The following ALOX5AP variants were observed in gnomAD, a reference collection of about 807,000 sequenced individuals.
ALOX5AP encodes the protein arachidonate 5-lipoxygenase activating protein.
A neutral mutation model predicts 18.5 loss-of-function variants in ALOX5AP; 9 were observed. The ratio of observed to expected loss-of-function variants is 0.49; its 90% CI spans 0.29 to 0.85. The LOEUF (loss-of-function observed/expected upper bound fraction) is 0.85. ALOX5AP is among the 40% of genes least tolerant of loss of function. ALOX5AP has a pLI of 0.08. For missense variants in ALOX5AP, 172 were observed against 202.5 expected (o/e 0.85, Z 0.91); for synonymous variants, 81 against 78.6 (o/e 1.03, Z -0.16).
chr13:30,713,850 GTGTGTGCGCGCACACGCGCA>G (rs1486049922), intron 1 of ALOX5AP: 27 of 1,535,080 alleles, frequency 1.8e-5, no homozygotes, highest in African/African-American at 8.2e-5. Context: ...TGGTGTGTGT[GTGTGTGCGCGCACACGCGCA>G]TGTGTGTGCA....
chr13:30,717,083 C>A (rs560793686), intron 1 of ALOX5AP, among the ~76,000 whole-genome samples: 1 of 152,170 alleles, frequency 6.6e-6, no homozygotes, highest in Non-Finnish European at 1.5e-5. Flanking sequence ...GACTCTCCAC[C>A]GCTACACATC....
chr13:30,748,181 A>T (rs1296300707), intron 2 of ALOX5AP, among the ~76,000 whole-genome samples: 1 of 152,134 alleles, frequency 6.6e-6, no homozygotes, highest in Non-Finnish European at 1.5e-5. Flanking sequence ...GGCCTCCCAG[A>T]GTGCTCAGAT....
intron 4 of ALOX5AP, among the ~76,000 whole-genome samples, chr13:30,762,786 T>G (rs938268103): frequency 1.3e-5 from 2 of 152,234 alleles, no homozygotes; most frequent in South Asian, 2.1e-4. Flanking sequence ...CGGTCCTGAT[T>G]GCCTAAAGAT....
At chr13:30,752,153 T>G in intron 3 of ALOX5AP, 31 bp downstream of exon 3, 1 of 1,604,912 alleles carries the variant, frequency 6.2e-7, no homozygotes, top group Non-Finnish European at 8.5e-7. Context: ...TTCATTCTCC[T>G]TCTATAAAGT....
chr13:30,729,018 T>C (rs1198999166), intron 1 of ALOX5AP, among the ~76,000 whole-genome samples: 1 of 152,244 alleles, frequency 6.6e-6, no homozygotes, highest in East Asian at 1.9e-4. Flanking sequence ...TAGTTCTAAT[T>C]TGTATTTCCC....
At chr13:30,758,008 C>T (rs1180722830) in intron 4 of ALOX5AP, among the ~76,000 whole-genome samples, 3 of 152,160 alleles carry the variant, frequency 2.0e-5, no homozygotes, top group Non-Finnish European at 4.4e-5. Flanking sequence ...CTTCTCCTCC[C>T]CTCTGGCCGT....
chr13:30,758,061 A>G (rs1951910795), intron 4 of ALOX5AP, among the ~76,000 whole-genome samples: 1 of 152,024 alleles, frequency 6.6e-6, no homozygotes, highest in Non-Finnish European at 1.5e-5. Context: ...TCTTCCAGAG[A>G]CCAAACCTGG....
intron 2 of ALOX5AP, among the ~76,000 whole-genome samples, chr13:30,750,540 C>A: frequency 6.6e-6 from 1 of 152,068 alleles, no homozygotes; most frequent in Non-Finnish European, 1.5e-5. Context: ...GGTGTGAATC[C>A]CGGCTTTGCC....
At chr13:30,760,268 G>C (rs187715115) in intron 4 of ALOX5AP, among the ~76,000 whole-genome samples, 15 of 149,462 alleles carry the variant, frequency 1.0e-4, no homozygotes, top group Admixed American at 8.0e-4. Flanking sequence ...AGTGGAGGAG[G>C]GGGGGTGACT....
intron 1 of ALOX5AP, among the ~76,000 whole-genome samples, chr13:30,719,976 C>T (rs1361693169): frequency 1.3e-5 from 2 of 152,118 alleles, no homozygotes; most frequent in African/African-American, 4.8e-5. Context: ...ATTCTCCTGC[C>T]TCAGCCTCCC....
In ALOX5AP at chr13:30,764,034, T is replaced by C; in HGVS notation, c.414T>C (p.Phe138=). ...AGIFNYYLIF[F]FGSDFENYIK... ...TATTCAACTATTACCTCATCTTCTTTTTCGGAAGTGACTTTGAAAACTACA... is the reference window on the plus strand; with the variant it reads ...TATTCAACTATTACCTCATCTTCTTCTTCGGAAGTGACTTTGAAAACTACA... Residue 138 remains phenylalanine, a synonymous_variant, in exon 5 of 5, where the codon TTT becomes TTC. Transcript: ENST00000380490. 6.2e-7 allele frequency: 1 copy of C among 1,614,204 alleles called. No individual in the cohort carries two copies. Among genetic ancestry groups the C allele is most frequent in the Non-Finnish European group, 8.5e-7 (1 of 1,180,032 alleles).
At position 30,714,206 on chromosome 13, in the gene ALOX5AP, CAAA is replaced by C. The variant is rs57400275; in HGVS notation, c.116+382_116+384del. Among the ~76,000 whole-genome samples, 98 of 111,838 alleles carry C rather than the reference CAAA, an allele frequency of 8.8e-4. 1 individual carries two copies. In the South Asian group the frequency reaches 0.013, roughly 14 times the overall value. The allele number at this position is 111,838 out of a possible 152,430, so 73.4% of individuals were successfully genotyped here. A position where few individuals can be genotyped will look rare whatever the true frequency, so the allele number is the denominator to read the frequency against. ...GGGATGTGATGGATGTGCTAACTTT[CAAA>C]AAAAAAAAAAAAAAAAGGCCTGAGC... On this transcript the variant is annotated intron_variant, in intron 1 of 5. Transcript: ENST00000617770.
In ALOX5AP at chr13:30,764,113, G is replaced by A; in HGVS notation, c.*7G>A. ...TCTACTTCTCATTCCCTAACTCTCT[G>A]CTGAATATGGGGTTGGTGTTCTCAT... On this transcript the variant is annotated 3_prime_UTR_variant, in exon 5 of 5. Transcript: ENST00000380490. The A allele has an allele frequency of 3.7e-6, 6 of 1,612,812 alleles. No individual in the cohort carries two copies. Among genetic ancestry groups the A allele is most frequent in the Non-Finnish European group, 5.1e-6 (6 of 1,179,362 alleles).
chr13:30,726,891 T>C (rs1201638528), intron 1 of ALOX5AP, among the ~76,000 whole-genome samples: 1 of 152,078 alleles, frequency 6.6e-6, no homozygotes, highest in Non-Finnish European at 1.5e-5. Flanking sequence ...TATGTGTTAA[T>C]GGTAGTTAAC....
chr13:30,759,792 C>T (rs921825394), intron 4 of ALOX5AP, among the ~76,000 whole-genome samples: 4 of 152,130 alleles, frequency 2.6e-5, no homozygotes, highest in Admixed American at 6.6e-5. Flanking sequence ...TTTCTAAAAG[C>T]GAAACCCACC....
upstream of ALOX5AP, among the ~76,000 whole-genome samples, chr13:30,733,209 G>C (rs1951695808): frequency 6.7e-6 from 1 of 150,240 alleles, no homozygotes; most frequent in African/African-American, 2.5e-5. Flanking sequence ...GAGAGAGAAA[G>C]CTCTCTAGCT....
intron 1 of ALOX5AP, among the ~76,000 whole-genome samples, chr13:30,736,306 G>T (rs996757240): frequency 1.3e-5 from 2 of 151,590 alleles, no homozygotes; most frequent in African/African-American, 4.9e-5. Flanking sequence ...GAGGAAAATT[G>T]TCCTGTTCAG....
At chr13:30,748,956 C>T (rs1951830568) in intron 2 of ALOX5AP, among the ~76,000 whole-genome samples, 1 of 152,242 alleles carries the variant, frequency 6.6e-6, no homozygotes, top group Non-Finnish European at 1.5e-5. Flanking sequence ...AGCCCAGCAG[C>T]AACCCCCTCT....
rs761318584 is a variant in ALOX5AP at position 30,744,094 on chromosome 13, G to A, written c.105G>A (p.Arg35=). Residue 35 remains arginine, a synonymous_variant, in exon 2 of 5, where the codon AGG becomes AGA. Transcript: ENST00000380490. The stretch of plus-strand genomic sequence containing the variant: ...CCCATAAAGTGGAGCACGAAAGCAG[G>A]ACCCAGAATGGGAGGAGCTTCCAGA... ...FFAHKVEHES[R]TQNGRSFQRT... 8.1e-6 allele frequency: 13 copies of A among 1,614,046 alleles called. No individual in the cohort carries two copies. Among genetic ancestry groups the A allele is most frequent in the Non-Finnish European group, 1.1e-5 (13 of 1,180,026 alleles).
Sources: gnomAD v4.1 joint callset for allele counts (sites outside exome capture counted in the v4.1 genomes callset) on GRCh38, gnomAD v4.1.1 for gene constraint, MANE v1.5 for transcripts, NCBI Gene and HGNC (gene_info 2026-07-23, HGNC 2026-07-21) for gene names.